The following TLE6 variants were observed in gnomAD, a reference collection of about 807,000 sequenced individuals.
TLE6 encodes the protein TLE family member 6, subcortical maternal complex member, also known as transducin-like enhancer protein 6.
A neutral mutation model predicts 77.1 loss-of-function variants in TLE6; 72 were observed. The ratio of observed to expected loss-of-function variants is 0.93; its 90% CI spans 0.77 to 1.14. The LOEUF (loss-of-function observed/expected upper bound fraction) is 1.14. Among genes scored for constraint, TLE6 ranks in the 50% most tolerant of loss-of-function variants. The pLI is 0.00. For synonymous variants in TLE6, 366 were observed against 287.3 expected (o/e 1.27, Z -2.77); for missense variants, 843 against 747.6 (o/e 1.13, Z -1.49).
chr19:2,980,009 C>A, intron 2 of TLE6, 91 bp from the exon 3 acceptor site: 3 of 950,356 alleles, frequency 3.2e-6, no homozygotes, highest in Non-Finnish European at 4.8e-6. Flanking sequence ...TTTGCACCAA[C>A]CTAATGCCTA....
intron 13 of TLE6, 100 bp downstream of exon 13, chr19:2,989,885 C>T (rs1304882705): frequency 4.0e-6 from 6 of 1,510,542 alleles, no homozygotes; most frequent in East Asian, 2.3e-5. Flanking sequence ...TTCCTGCCAC[C>T]TCCTGAACCT....
At chr19:2,994,273 C>G (rs550214222) in intron 16 of TLE6, among the ~76,000 whole-genome samples, 178 bp downstream of exon 16, 1 of 151,568 alleles carries the variant, frequency 6.6e-6, no homozygotes, top group Non-Finnish European at 1.5e-5. Context: ...TGTAGGAGTT[C>G]GAGACCAGCC....
intron 2 of TLE6, among the ~76,000 whole-genome samples, chr19:2,979,880 C>G (rs2088760084): frequency 6.7e-6 from 1 of 149,478 alleles, no homozygotes; most frequent in Non-Finnish European, 1.5e-5. Flanking sequence ...AGGAGAATCG[C>G]TTGAACCCGG....
rs750865169 is a variant in TLE6 at position 2,994,891 on chromosome 19, C to T, written c.1615-9C>T. On this transcript the variant is annotated splice_polypyrimidine_tract_variant and intron_variant, in intron 16 of 16. Transcript: ENST00000246112. ...TACCCCAGCTCACTGCCCACTGCCC[C>T]CCCTCCAGGTGCCTGAGATGTCTCC... The T allele has an allele frequency of 4.4e-6, 7 of 1,575,326 alleles. No homozygotes were observed. Among genetic ancestry groups the T allele is most frequent in the Non-Finnish European group, 6.1e-6 (7 of 1,155,678 alleles).
chr19:2,992,870 G>A (rs928190493), intron 14 of TLE6, among the ~76,000 whole-genome samples: 1 of 145,456 alleles, frequency 6.9e-6, no homozygotes, highest in African/African-American at 2.5e-5. Flanking sequence ...TCTCACTGAT[G>A]CTCCAAACAC....
intron 12 of TLE6, 32 bp downstream of exon 12, chr19:2,989,345 G>C (rs1193621449): frequency 6.2e-7 from 1 of 1,607,664 alleles, no homozygotes; most frequent in Non-Finnish European, 8.5e-7. Context: ...AGGGATGCAG[G>C]GCTTCTGGGA....
At chr19:2,980,901 TCTAG>T (rs1364848375) in intron 3 of TLE6, among the ~76,000 whole-genome samples, 1 of 150,694 alleles carries the variant, frequency 6.6e-6, no homozygotes, top group East Asian at 1.9e-4. Context: ...ATAAAAAAAA[TCTAG>T]CTGAGTGTGG....
Position 2,981,480 on chromosome 19 carries a change from C to T in TLE6, c.135-58C>T, listed in dbSNP as rs1434155471. On this transcript the variant is annotated intron_variant, in intron 3 of 16. Transcript: ENST00000246112. The stretch of plus-strand genomic sequence containing the variant: ...CCCTAGGGGTTGAGGGTGGGGCTCA[C>T]TCTGGGGAGGGAGTCCTGAAGCCAC... 1.6e-5 allele frequency: 25 copies of T among 1,539,616 alleles called. No homozygotes were observed. In the East Asian group the frequency reaches 5.1e-4, roughly 32 times the overall value.
Position 2,995,046 on chromosome 19 carries a change from TCCCCCCCCTTCCC to T in TLE6, c.*50_*62del. 1 of 995,986 alleles carries T rather than the reference TCCCCCCCCTTCCC, an allele frequency of 1.0e-6. No individual in the cohort carries two copies. Among genetic ancestry groups the T allele is most frequent in the Non-Finnish European group, 1.4e-6 (1 of 694,026 alleles). 61.7% of individuals were successfully genotyped at this position (995,986 alleles called of 1,614,324 possible). Reference sequence around the variant, plus strand: ...CATCCCACTCCGGCTCCTCTTTTCATCCCCCCCCTTCCCCCCCCCCAACAAGGGGGACATGGTG... The same window carrying T: ...CATCCCACTCCGGCTCCTCTTTTCATCCCCCCCAACAAGGGGGACATGGTG... On this transcript the variant is annotated 3_prime_UTR_variant, in exon 17 of 17. Transcript: ENST00000246112.
chr19:2,980,325 A>G (rs1231841484), intron 3 of TLE6, 143 bp downstream of exon 3: 4 of 571,366 alleles, frequency 7.0e-6, no homozygotes, highest in Non-Finnish European at 1.2e-5. Flanking sequence ...GATACCCAGC[A>G]TGGAGAACCC....
At chr19:2,977,640 T>C (rs929535) in intron 1 of TLE6, 30 bp downstream of exon 1, 107,938 of 152,364 alleles carry the variant, frequency 0.71, 38,647 homozygotes, top group East Asian at 0.99. Flanking sequence ...AGGCGTGTTC[T>C]AGGGGGCTGG....
rs1291969663 is a variant in TLE6 at position 2,978,354 on chromosome 19, C to T, written c.51+70C>T. The T allele has an allele frequency of 3.3e-6, 5 of 1,493,386 alleles. No individual in the cohort carries two copies. In the Admixed American group the frequency reaches 5.9e-5, roughly 18 times the overall value. The allele number at this position is 1,493,386 out of a possible 1,614,324, so 92.5% of individuals were successfully genotyped here. A position where few individuals can be genotyped will look rare whatever the true frequency, so the allele number is the denominator to read the frequency against. On this transcript the variant is annotated intron_variant, in intron 2 of 16. Transcript: ENST00000246112. ...GCCCAATGTGGTTCTGCCCCTTTTC[C>T]ACCTGTGACCTGGGCTGGCCCCGCC... is the stretch of plus-strand genomic sequence containing the variant.
chr19:2,993,427 C>T lies in TLE6; in HGVS notation c.1387-5C>T. 2 of 1,600,038 alleles carry T rather than the reference C, an allele frequency of 1.2e-6. No individual in the cohort carries two copies. The highest frequency in any genetic ancestry group is 1.7e-6 in the Non-Finnish European group (2 of 1,169,460). On this transcript the variant is annotated splice_polypyrimidine_tract_variant and splice_region_variant and intron_variant, in intron 14 of 16. Transcript: ENST00000246112. ...GTTCCTCCCTCCCCACTGCCCATTACCTAGATAATGAGCCTGTCCCACAGC... is the reference window on the plus strand; with the variant it reads ...GTTCCTCCCTCCCCACTGCCCATTATCTAGATAATGAGCCTGTCCCACAGC...
chr19:2,988,701 AG>A lies in TLE6; in HGVS notation c.741-359del, dbSNP rs747257796. 1.1e-4 allele frequency among the ~76,000 whole-genome samples: 16 copies of A among 152,278 alleles called. No homozygotes were observed. The South Asian group carries it at 1.4e-3, about 14-fold the overall frequency. The stretch of plus-strand genomic sequence containing the variant: ...GAAGGGGATGGGGTGTAGCTGTGTT[AG>A]AACTGGATGCAGATTGTCCCAACCT... On this transcript the variant is annotated intron_variant, in intron 11 of 16. Coordinates refer to ENST00000246112, the MANE Select transcript of TLE6 (RefSeq NM_001143986.2).
At position 2,995,010 on chromosome 19, in the gene TLE6, C is replaced by T. The variant is rs1380656911; in HGVS notation, c.*6C>T. ...TGTACCAGATCACCTACTGAGGGGC[C>T]TCGCTGCTGTCATCCCACTCCGGCT... is the stretch of plus-strand genomic sequence containing the variant. On this transcript the variant is annotated 3_prime_UTR_variant, in exon 17 of 17. Coordinates refer to ENST00000246112, the MANE Select transcript of TLE6 (RefSeq NM_001143986.2). The T allele has an allele frequency of 7.6e-6, 12 of 1,583,428 alleles. No homozygotes were observed. The highest frequency in any genetic ancestry group is 2.1e-4 in the Middle Eastern group (1 of 4,842).
At chr19:2,986,808 T>C (rs771211171) in intron 5 of TLE6, 21 bp from the exon 6 acceptor site, 2 of 1,551,308 alleles carry the variant, frequency 1.3e-6, no homozygotes, top group East Asian at 2.4e-5. Context: ...TTTAACTGTT[T>C]TGCTGCCAAC....
chr19:2,982,285 C>T (rs2088813765), intron 5 of TLE6, 96 bp downstream of exon 5: 1 of 1,400,952 alleles, frequency 7.1e-7, no homozygotes, highest in Non-Finnish European at 9.9e-7. Flanking sequence ...AACCTGTAAT[C>T]CCAGCACTTT....
At chr19:2,977,772 C>G (rs1451280056) in intron 1 of TLE6, among the ~76,000 whole-genome samples, 162 bp downstream of exon 1, 1 of 152,132 alleles carries the variant, frequency 6.6e-6, no homozygotes, top group East Asian at 1.9e-4. Flanking sequence ...TTTCTTCTGT[C>G]TGATGAATTC....
At chr19:2,987,656 A>G in intron 8 of TLE6, 68 bp from the exon 9 acceptor site, 1 of 1,573,970 alleles carries the variant, frequency 6.4e-7, no homozygotes, top group Non-Finnish European at 8.7e-7. Flanking sequence ...CAAGCTGCCC[A>G]GGAATCCGAG....
Sources: allele counts gnomAD v4.1 joint callset (sites outside exome capture counted in the v4.1 genomes callset), GRCh38; gene constraint gnomAD v4.1.1; transcripts MANE v1.5; gene names NCBI Gene and HGNC (gene_info 2026-07-23, HGNC 2026-07-21).